DENND1A: variants seen among roughly 807,000 people sequenced by gnomAD.
The protein encoded by DENND1A is DENN domain-containing protein 1A.
Under a neutral mutation model 113.7 loss-of-function variants are expected in DENND1A, and 51 were observed. That is an observed-to-expected ratio of 0.45 (90% CI 0.36 to 0.57). The LOEUF (loss-of-function observed/expected upper bound fraction) is 0.57. DENND1A is among the 20% of genes least tolerant of loss of function. DENND1A has a pLI of 0.00. For synonymous variants in DENND1A, 565 were observed against 570.8 expected, an observed-to-expected ratio of 0.99 and a Z score of 0.14; for missense variants, 1,258 against 1,395.9, an observed-to-expected ratio of 0.90 and a Z score of 1.57.
chr9:123,711,728 C>T (rs1338276750), intron 5 of DENND1A, among the ~76,000 whole-genome samples: 1 of 151,672 alleles, frequency 6.6e-6, no homozygotes, highest in Non-Finnish European at 1.5e-5. Context: ...TCTTTAGTCT[C>T]CCCTTAACCT....
At chr9:123,517,991 T>A (rs140028846) in intron 13 of DENND1A, among the ~76,000 whole-genome samples, 5 of 152,108 alleles carry the variant, frequency 3.3e-5, no homozygotes, top group South Asian at 4.1e-4. Context: ...CAGAAAAAAA[T>A]ATATATTATT....
chr9:123,759,734 G>A (rs2070881059), intron 4 of DENND1A: 1 of 152,232 alleles, frequency 6.6e-6, no homozygotes, highest in Middle Eastern at 3.2e-3. Flanking sequence ...TTAAATTAGA[G>A]CAGATTTTGC....
At chr9:123,796,826 T>C (rs561082571) in intron 2 of DENND1A, among the ~76,000 whole-genome samples, 1 of 151,554 alleles carries the variant, frequency 6.6e-6, no homozygotes, top group Non-Finnish European at 1.5e-5. Context: ...CCCTCTGTCA[T>C]ACCAATGACT....
At chr9:123,552,040 A>G (rs1169723935) in intron 13 of DENND1A, among the ~76,000 whole-genome samples, 3 of 102,120 alleles carry the variant, frequency 2.9e-5, no homozygotes, top group African/African-American at 6.5e-5. Flanking sequence ...AGAGAGAGAC[A>G]GAGAGAGAGA....
chr9:123,669,408 T>A (rs1433333493), intron 7 of DENND1A, among the ~76,000 whole-genome samples: 1 of 152,210 alleles, frequency 6.6e-6, no homozygotes, highest in Non-Finnish European at 1.5e-5. Context: ...CCTTTGAGAT[T>A]CTGTCTTGCT....
chr9:123,638,177 A>C (rs556929338), intron 9 of DENND1A, among the ~76,000 whole-genome samples: 2 of 152,264 alleles, frequency 1.3e-5, no homozygotes, highest in African/African-American at 4.8e-5. Context: ...ACACTTTAAA[A>C]CATCAAAGCA....
intron 13 of DENND1A, among the ~76,000 whole-genome samples, chr9:123,475,360 T>C (rs1252544559): frequency 6.6e-6 from 1 of 152,214 alleles, no homozygotes; most frequent in Non-Finnish European, 1.5e-5. Context: ...AAATAAGTTA[T>C]TAATAGCATC....
chr9:123,448,883 A>T (rs1480077774), intron 18 of DENND1A, among the ~76,000 whole-genome samples: 1 of 152,256 alleles, frequency 6.6e-6, no homozygotes, highest in Non-Finnish European at 1.5e-5. Flanking sequence ...TCAGAAAATT[A>T]AAACTGCTTT....
intron 2 of DENND1A, chr9:123,842,977 T>C (rs990091838): frequency 1.8e-5 from 7 of 389,004 alleles, no homozygotes; most frequent in Non-Finnish European, 3.0e-5. Context: ...GATAGTAGGA[T>C]GCAGTAGTTC....
rs569235485 is a variant in DENND1A at position 123,838,825 on chromosome 9, C to A, written c.88+40126G>T. 3.3e-5 allele frequency among the ~76,000 whole-genome samples: 5 copies of A among 152,336 alleles called. No individual in the cohort carries two copies. In the East Asian group the frequency reaches 9.6e-4, roughly 29 times the overall value. On this transcript the variant is annotated intron_variant, in intron 2 of 23. Coordinates refer to ENST00000394215, the MANE Select transcript of DENND1A (RefSeq NM_001352964.2). Reference sequence around the variant, plus strand: ...AAATCACTTCACCCTCACTCAGTGGCAGTGCCCAAACCCTCCCACTGTTTC... The same window carrying A: ...AAATCACTTCACCCTCACTCAGTGGAAGTGCCCAAACCCTCCCACTGTTTC...
At chr9:123,661,937 C>T (rs1383518085) in intron 8 of DENND1A, among the ~76,000 whole-genome samples, 1 of 151,718 alleles carries the variant, frequency 6.6e-6, no homozygotes, top group African/African-American at 2.4e-5. Context: ...ATCATAGAGG[C>T]CCCAGAGAAA....
intron 1 of DENND1A, among the ~76,000 whole-genome samples, chr9:123,926,341 G>A (rs1051486964): frequency 1.3e-5 from 2 of 152,080 alleles, no homozygotes; most frequent in Non-Finnish European, 2.9e-5. Context: ...GCCAAGGCAG[G>A]CAGATCACCT....
At chr9:123,796,320 T>C (rs914066140) in intron 2 of DENND1A, among the ~76,000 whole-genome samples, 3 of 152,166 alleles carry the variant, frequency 2.0e-5, no homozygotes, top group Admixed American at 2.0e-4. Context: ...TTTCACAGTA[T>C]AGGACTCCCA....
At chr9:123,505,494 T>C (rs1026635072) in intron 13 of DENND1A, among the ~76,000 whole-genome samples, 1 of 152,204 alleles carries the variant, frequency 6.6e-6, no homozygotes, top group South Asian at 2.1e-4. Context: ...ACAAATTGAA[T>C]CTTATTTAAT....
At chr9:123,845,211 CTG>C (rs1283935175) in intron 2 of DENND1A, among the ~76,000 whole-genome samples, 1 of 151,256 alleles carries the variant, frequency 6.6e-6, no homozygotes, top group Non-Finnish European at 1.5e-5. Context: ...GAGAGCAAGG[CTG>C]TGTCTCCAAA....
intron 13 of DENND1A, among the ~76,000 whole-genome samples, chr9:123,530,008 TA>T (rs2135320208): frequency 6.6e-6 from 1 of 152,224 alleles, no homozygotes; most frequent in African/African-American, 2.4e-5. Context: ...AAGATAATAC[TA>T]AAGAGTTCGC....
rs1360402541 is a variant in DENND1A at position 123,452,313 on chromosome 9, G to A, written c.1262C>T (p.Thr421Ile). ...GSGAILNTVK[T>I]KANPAMKTVY... ...AGTCTTCATGGCCGGATTTGCTTTG[G>A]TCTTTACAGTATTCAGAATTGCTCC... The change falls in exon 17 of 24, where the codon ACC becomes ATC. Residue 421 changes from threonine (T) to isoleucine (I), a missense_variant. Coordinates refer to ENST00000394215, the MANE Select transcript of DENND1A (RefSeq NM_001352964.2). 1 of 1,614,242 alleles carries A rather than the reference G, an allele frequency of 6.2e-7. No individual in the cohort carries two copies. Among genetic ancestry groups the A allele is most frequent in the Non-Finnish European group, 8.5e-7 (1 of 1,180,046 alleles).
chr9:123,676,587 T>C, intron 6 of DENND1A, 133 bp downstream of exon 6: 1 of 724,610 alleles, frequency 1.4e-6, no homozygotes, highest in Non-Finnish European at 2.2e-6. Context: ...CTTCCTATTA[T>C]TTTCTGAATT....
At chr9:123,490,921 G>A (rs983016506) in intron 13 of DENND1A, among the ~76,000 whole-genome samples, 9 of 152,228 alleles carry the variant, frequency 5.9e-5, no homozygotes, top group African/African-American at 2.2e-4. Flanking sequence ...GACAAGGCTG[G>A]AGTAGGGGTG....
Sources: gnomAD v4.1 joint callset for allele counts (sites outside exome capture counted in the v4.1 genomes callset) on GRCh38, gnomAD v4.1.1 for gene constraint, MANE v1.5 for transcripts, NCBI Gene and HGNC (gene_info 2026-07-23, HGNC 2026-07-21) for gene names.